SLC3A2: variants seen among roughly 807,000 people sequenced by gnomAD.
SLC3A2 encodes amino acid transporter heavy chain SLC3A2.
Under a neutral mutation model 48.5 loss-of-function variants are expected in SLC3A2, and 32 were observed. The observed-to-expected ratio is 0.66, with a 90% CI of 0.50 to 0.89. SLC3A2 has a LOEUF of 0.89. Ranked by LOEUF, SLC3A2 falls within the 40% of genes least tolerant of loss-of-function variation. The pLI is 0.00. For missense variants in SLC3A2, 587 were observed against 680.7 expected (o/e 0.86, Z 1.53); for synonymous variants, 277 against 288.8 (o/e 0.96, Z 0.41).
intron 1 of SLC3A2, among the ~76,000 whole-genome samples, chr11:62,872,475 A>C (rs2085528167): frequency 6.6e-6 from 1 of 152,174 alleles, no homozygotes. Flanking sequence ...AGATCACATT[A>C]CTGCACTCCA....
At chr11:62,885,632 A>T in intron 7 of SLC3A2, 24 bp downstream of exon 7, 1 of 1,612,970 alleles carries the variant, frequency 6.2e-7, no homozygotes, top group Non-Finnish European at 8.5e-7. Context: ...TCTTTCTGTC[A>T]CAGGGAGGTT....
intron 1 of SLC3A2, among the ~76,000 whole-genome samples, chr11:62,864,898 C>T (rs1276287931): frequency 6.6e-6 from 1 of 152,044 alleles, no homozygotes; most frequent in East Asian, 1.9e-4. Context: ...CCTCCCATGC[C>T]CAGTCCCCGT....
chr11:62,866,348 C>A (rs967883902), intron 1 of SLC3A2, among the ~76,000 whole-genome samples: 6 of 151,740 alleles, frequency 4.0e-5, no homozygotes, highest in Admixed American at 3.3e-4. Context: ...GAACTCCTGA[C>A]CTCAGGTGAT....
Position 62,881,895 on chromosome 11 carries a change from C to T in SLC3A2, c.427C>T (p.Leu143=). The change falls in exon 2 of 9, where the codon CTG becomes TTG. Residue 143 remains leucine, a splice_region_variant and synonymous_variant. Transcript: ENST00000338663. The surrounding 1 kb of genome is among the most constrained non-coding windows in gnomAD (Gnocchi z 4.0). ...QGHGAGNLAG[L]KGRLDYLSSL... is the part of the protein sequence containing the mutation. Reference sequence around the variant, plus strand: ...TGTTAACCCAGCCCCCATTTCAGGTCTGAAGGGGCGTCTCGATTACCTGAG... The same window carrying T: ...TGTTAACCCAGCCCCCATTTCAGGTTTGAAGGGGCGTCTCGATTACCTGAG... 1.9e-6 allele frequency: 3 copies of T among 1,613,928 alleles called. No homozygotes were observed. Among genetic ancestry groups the T allele is most frequent in the Non-Finnish European group, 2.5e-6 (3 of 1,179,934 alleles).
In SLC3A2 at chr11:62,884,295, GGCTAA is replaced by G. The variant is rs2085678228; in HGVS notation, c.691-159_691-155del. ...AAGGGTAGAGCTGGAGGGGTCCAAA[GGCTAA>G]GCCTTTGTAGTGCAGGTGGGGAAGA... On this transcript the variant is annotated intron_variant, in intron 3 of 8. Transcript: ENST00000338663. The G allele has an allele frequency of 4.3e-6, 3 of 690,034 alleles. No individual in the cohort carries two copies. The South Asian group carries it at 5.2e-5, about 12-fold the overall frequency. 42.7% of individuals were successfully genotyped at this position (690,034 alleles called of 1,614,324 possible).
chr11:62,881,444 G>A lies in SLC3A2; in HGVS notation c.421G>A (p.Ala141Thr). 6.3e-7 allele frequency: 1 copy of A among 1,581,276 alleles called. No individual in the cohort carries two copies. Among genetic ancestry groups the A allele is most frequent in the Non-Finnish European group, 8.5e-7 (1 of 1,171,764 alleles). The change falls in exon 1 of 9, where the codon GCG becomes ACG. Residue 141 changes from alanine to threonine, a missense_variant. This residue lies in a region of SLC3A2 where 409 missense variants were observed against 446.7 expected (regional missense o/e 0.92). Transcript: ENST00000338663. This position sits in a 1 kb window ranked among gnomAD's most constrained non-coding sequence, Gnocchi z 4.0. ...CCAGGGCCACGGCGCGGGCAACCTG[G>A]CGGGTGAGTGCAGCGCGCCCCCGTC... ...AFQGHGAGNL[A>T]GLKGRLDYLS...
At chr11:62,872,366 T>G (rs1018083131) in intron 1 of SLC3A2, among the ~76,000 whole-genome samples, 2 of 152,140 alleles carry the variant, frequency 1.3e-5, no homozygotes, top group Non-Finnish European at 2.9e-5. Context: ...AATACAAAAA[T>G]TAGCCAGGCA....
intron 1 of SLC3A2, among the ~76,000 whole-genome samples, chr11:62,867,778 AC>A (rs1381136705): frequency 6.6e-6 from 1 of 151,126 alleles, no homozygotes; most frequent in Non-Finnish European, 1.5e-5. Context: ...ACCATGCCTG[AC>A]CCCTTTTTTC....
At chr11:62,872,311 C>G (rs1308486344) in intron 1 of SLC3A2, among the ~76,000 whole-genome samples, 1 of 152,132 alleles carries the variant, frequency 6.6e-6, no homozygotes, top group Non-Finnish European at 1.5e-5. Context: ...CCCGGGAGTT[C>G]GAGACCAGCT....
Position 62,881,981 on chromosome 11 carries a change from C to A in SLC3A2, c.513C>A (p.Val171=), listed in dbSNP as rs770121813. The change falls in exon 2 of 9, where the codon GTC becomes GTA. Residue 171 remains valine, a synonymous_variant. Transcript: ENST00000338663. This position sits in a 1 kb window ranked among gnomAD's most constrained non-coding sequence, Gnocchi z 4.0. ...GPIHKNQKDD[V]AQTDLLQIDP... is the part of the protein sequence containing the mutation. The stretch of plus-strand genomic sequence containing the variant: ...TTCACAAGAACCAGAAGGATGATGT[C>A]GCTCAGACTGACTTGCTGCAGATCG... The A allele has an allele frequency of 6.2e-7, 1 of 1,614,178 alleles. No individual in the cohort carries two copies. Among genetic ancestry groups the A allele is most frequent in the Non-Finnish European group, 8.5e-7 (1 of 1,180,040 alleles).
At chr11:62,878,833 C>T (rs1039734325), upstream of SLC3A2, among the ~76,000 whole-genome samples, 4 of 149,960 alleles carry the variant, frequency 2.7e-5, no homozygotes, top group Admixed American at 6.7e-5. Context: ...GGAGTGCAGC[C>T]GCGCAATCTT....
chr11:62,860,265 G>C (rs1345968148), intron 1 of SLC3A2, among the ~76,000 whole-genome samples: 1 of 152,164 alleles, frequency 6.6e-6, no homozygotes, highest in Non-Finnish European at 1.5e-5. Context: ...ACTTTGGGAG[G>C]CTGAGGTGGG....
At chr11:62,873,001 T>G (rs1039479020) in intron 1 of SLC3A2, among the ~76,000 whole-genome samples, 1 of 152,186 alleles carries the variant, frequency 6.6e-6, no homozygotes, top group Non-Finnish European at 1.5e-5. Flanking sequence ...TTTTATATTC[T>G]CTTTCACCTT....
At chr11:62,862,665 C>A (rs370241425) in intron 1 of SLC3A2, among the ~76,000 whole-genome samples, 88 of 152,248 alleles carry the variant, frequency 5.8e-4, no homozygotes, top group African/African-American at 2.1e-3. Flanking sequence ...TTATTAGTTA[C>A]CTCTATAAGT....
At chr11:62,885,929 C>G (rs1352848358) in intron 7 of SLC3A2, among the ~76,000 whole-genome samples, 1 of 152,112 alleles carries the variant, frequency 6.6e-6, no homozygotes, top group Non-Finnish European at 1.5e-5. Flanking sequence ...ACAGTGGGTA[C>G]TGTGCTAGGC....
At chr11:62,886,594 C>CT (rs1034005297) in intron 7 of SLC3A2, 109 of 144,394 alleles carry the variant, frequency 7.5e-4, no homozygotes, top group Middle Eastern at 3.6e-3. Flanking sequence ...CCCAGCTGAT[C>CT]TTTTTTTTTT....
chr11:62,860,218 T>C (rs2085384238), intron 1 of SLC3A2, among the ~76,000 whole-genome samples: 1 of 152,088 alleles, frequency 6.6e-6, no homozygotes, highest in Non-Finnish European at 1.5e-5. Flanking sequence ...AAGAGCAGTA[T>C]TGGCCGGGCG....
chr11:62,859,675 A>C (rs1472803075), intron 1 of SLC3A2, among the ~76,000 whole-genome samples: 1 of 152,190 alleles, frequency 6.6e-6, no homozygotes, highest in Non-Finnish European at 1.5e-5. Flanking sequence ...CCTGGGGGAC[A>C]AGAGTGAGTC....
intron 1 of SLC3A2, chr11:62,856,492 A>G: frequency 1.1e-6 from 1 of 949,394 alleles, no homozygotes; most frequent in South Asian, 1.6e-5. Context: ...ATTTTTTCCT[A>G]ACTGGTTCCC....
Sources: gnomAD v4.1 joint callset for allele counts (sites outside exome capture counted in the v4.1 genomes callset) on GRCh38, gnomAD v4.1.1 for gene constraint, gnomAD v4.1.1 regional missense constraint, Gnocchi (gnomAD v3.1) non-coding constraint, MANE v1.5 for transcripts, NCBI Gene and HGNC (gene_info 2026-07-23, HGNC 2026-07-21) for gene names.